UBE2N: variants seen among roughly 807,000 people sequenced by gnomAD.
UBE2N encodes the protein ubiquitin-conjugating enzyme E2 N.
For missense variants in UBE2N, 60 were observed against 192.1 expected (o/e 0.31, Z 4.07); for synonymous variants, 70 against 69.2 (o/e 1.01, Z -0.06).
intron 1 of UBE2N, among the ~76,000 whole-genome samples, chr12:93,415,190 C>T (rs1035894076): frequency 6.6e-6 from 1 of 151,580 alleles, no homozygotes; most frequent in African/African-American, 2.4e-5. Context: ...TAAATGAGAA[C>T]ATTTTATTTA....
At position 93,408,133 on chromosome 12, in the gene UBE2N, T is replaced by C. The variant is rs757463960; in HGVS notation, c.*1906A>G. On this transcript the variant is annotated 3_prime_UTR_variant, in exon 4 of 4. Coordinates refer to ENST00000318066, the MANE Select transcript of UBE2N (RefSeq NM_003348.4). The stretch of plus-strand genomic sequence containing the variant: ...TACGGGCAGTAAATGTTGATTTCTA[T>C]TTCGTTTCTTGAAGTTTTGTGTGGT... 4 of 152,248 alleles carry C rather than the reference T, an allele frequency of 2.6e-5. No homozygotes were observed. Among genetic ancestry groups the C allele is most frequent in the Non-Finnish European group, 2.9e-5 (2 of 68,038 alleles). 9.4% of individuals were successfully genotyped at this position (152,248 alleles called of 1,614,324 possible).
intron 1 of UBE2N, among the ~76,000 whole-genome samples, chr12:93,424,704 T>C (rs1182669303): frequency 1.3e-5 from 2 of 152,230 alleles, no homozygotes; most frequent in Admixed American, 1.3e-4. Flanking sequence ...GTGAAATACT[T>C]TGGATTAAAA....
intron 1 of UBE2N, among the ~76,000 whole-genome samples, chr12:93,417,905 A>C (rs924057295): frequency 3.3e-5 from 5 of 152,220 alleles, no homozygotes; most frequent in Non-Finnish European, 5.9e-5. Context: ...TTTTGGGATC[A>C]CTAATAAAGC....
At chr12:93,424,505 A>G (rs1878516359) in intron 1 of UBE2N, 1 of 152,242 alleles carries the variant, frequency 6.6e-6, no homozygotes, top group South Asian at 2.1e-4. Context: ...GGAAAGAAAA[A>G]TTAAAACAGT....
rs201651626 is a variant in UBE2N at position 93,410,889 on chromosome 12, G to T, written c.278-15C>A. The T allele has an allele frequency of 6.2e-7, 1 of 1,614,122 alleles. No individual in the cohort carries two copies. On this transcript the variant is annotated splice_polypyrimidine_tract_variant and intron_variant, in intron 2 of 3. Coordinates refer to ENST00000318066, the MANE Select transcript of UBE2N (RefSeq NM_003348.4). ...GGACCACTTATCTATGAAGGCAACA[G>T]GCCCAGTATGATAAAGCATGAAAAA...
chr12:93,422,642 A>G (rs1262360569), intron 1 of UBE2N, among the ~76,000 whole-genome samples: 3 of 152,210 alleles, frequency 2.0e-5, no homozygotes, highest in Admixed American at 6.5e-5. Context: ...CACTAAAATA[A>G]TAAGATTTAT....
At chr12:93,412,085 G>A (rs934102997) in intron 1 of UBE2N, among the ~76,000 whole-genome samples, 2 of 152,012 alleles carry the variant, frequency 1.3e-5, no homozygotes, top group African/African-American at 4.8e-5. Context: ...TACCTGAACA[G>A]GACTAAAGAA....
rs2121044229 is a variant in UBE2N, at chr12:93,407,353, A to G, written c.*2686T>C. On this transcript the variant is annotated 3_prime_UTR_variant, in exon 4 of 4. Coordinates refer to ENST00000318066, the MANE Select transcript of UBE2N (RefSeq NM_003348.4). ...CATTAGAGTATATGGTCCCCAAAGG[A>G]AAGCCCCATGCCATTCACTCACCAC... 6.6e-6 allele frequency: 1 copy of G among 152,370 alleles called. No homozygotes were observed. The highest frequency in any genetic ancestry group is 2.1e-4 in the South Asian group (1 of 4,830). 9.4% of individuals were successfully genotyped at this position (152,370 alleles called of 1,614,324 possible).
intron 1 of UBE2N, chr12:93,429,205 G>C: frequency 2.9e-6 from 1 of 342,896 alleles, no homozygotes; most frequent in Non-Finnish European, 5.5e-6. Context: ...AGGAGGCGGA[G>C]GTTGCAGTGA....
intron 1 of UBE2N, among the ~76,000 whole-genome samples, chr12:93,415,570 G>A (rs927053581): frequency 6.6e-6 from 1 of 152,164 alleles, no homozygotes; most frequent in African/African-American, 2.4e-5. Flanking sequence ...CAGAACAAAA[G>A]AGGCTGGTCT....
chr12:93,421,448 G>A (rs117640329), intron 1 of UBE2N, among the ~76,000 whole-genome samples: 176 of 152,160 alleles, frequency 1.2e-3, no homozygotes, highest in Non-Finnish European at 1.8e-3. Flanking sequence ...GTGATCTGCC[G>A]GGCCCGGCCC....
chr12:93,436,024 A>G (rs1027460091), intron 1 of UBE2N, among the ~76,000 whole-genome samples: 4 of 152,218 alleles, frequency 2.6e-5, no homozygotes, highest in Non-Finnish European at 5.9e-5. Context: ...TTGACTCACT[A>G]GGTTTTAATC....
chr12:93,433,763 T>C (rs1878838724), intron 1 of UBE2N, among the ~76,000 whole-genome samples: 2 of 152,244 alleles, frequency 1.3e-5, no homozygotes, highest in Non-Finnish European at 2.9e-5. Context: ...CTAGTATTTA[T>C]TTCTATAGCA....
At chr12:93,411,346 T>C (rs776147827) in intron 1 of UBE2N, 47 bp from the exon 2 acceptor site, 8 of 1,548,298 alleles carry the variant, frequency 5.2e-6, no homozygotes, top group Non-Finnish European at 6.9e-6. Flanking sequence ...GTCATTTTGC[T>C]AGACACCAAA....
intron 1 of UBE2N, among the ~76,000 whole-genome samples, chr12:93,418,410 A>G (rs1305906173): frequency 6.6e-6 from 1 of 151,948 alleles, no homozygotes; most frequent in Non-Finnish European, 1.5e-5. Context: ...ATCAATGGAC[A>G]TTTTCAAGTG....
At chr12:93,439,207 C>A (rs772514150) in intron 1 of UBE2N, among the ~76,000 whole-genome samples, 9 of 152,176 alleles carry the variant, frequency 5.9e-5, no homozygotes, top group Non-Finnish European at 1.2e-4. Flanking sequence ...AAAGGTCAGG[C>A]GGGGCACAGT....
At position 93,409,493 on chromosome 12, in the gene UBE2N, T is replaced by G. The variant is rs1877969457; in HGVS notation, c.*546A>C. Reference sequence around the variant, plus strand: ...AATGTTATTAGTGAGGGCTGTGATGTTTGTTTAATGTTCCCATTTTGGTTC... The same window carrying G: ...AATGTTATTAGTGAGGGCTGTGATGGTTGTTTAATGTTCCCATTTTGGTTC... On this transcript the variant is annotated 3_prime_UTR_variant, in exon 4 of 4. Transcript: ENST00000318066. 1 of 167,096 alleles carries G rather than the reference T, an allele frequency of 6.0e-6. No individual in the cohort carries two copies. The highest frequency in any genetic ancestry group is 1.5e-5 in the Non-Finnish European group (1 of 68,176). 10.4% of individuals were successfully genotyped at this position (167,096 alleles called of 1,614,324 possible).
At chr12:93,427,697 G>GA (rs1878636718) in intron 1 of UBE2N, among the ~76,000 whole-genome samples, 1 of 152,204 alleles carries the variant, frequency 6.6e-6, no homozygotes, top group Middle Eastern at 3.4e-3. Flanking sequence ...GTGAATACAT[G>GA]AAAAAACCAC....
At chr12:93,420,671 T>C (rs984665307) in intron 1 of UBE2N, among the ~76,000 whole-genome samples, 25 of 152,194 alleles carry the variant, frequency 1.6e-4, no homozygotes, top group Non-Finnish European at 1.8e-4. Context: ...TGAGGAATAC[T>C]GTATCTGCTG....
Sources: gnomAD v4.1 joint callset for allele counts (sites outside exome capture counted in the v4.1 genomes callset) on GRCh38, gnomAD v4.1.1 for gene constraint, MANE v1.5 for transcripts, NCBI Gene and HGNC (gene_info 2026-07-23, HGNC 2026-07-21) for gene names.